Variants in ETS1 observed in about 807,000 individuals in gnomAD.
ETS1 encodes ETS proto-oncogene 1, transcription factor, also known as protein C-ets-1.
In ETS1, 15 loss-of-function variants were observed where a neutral mutation model predicts 58.6. The ratio of observed to expected loss-of-function variants is 0.26; its 90% CI spans 0.17 to 0.39. ETS1 has a LOEUF of 0.39. ETS1 is among the 10% of genes least tolerant of loss of function. ETS1 has a pLI of 1.00. For synonymous variants in ETS1, 214 were observed against 218.2 expected, an observed-to-expected ratio of 0.98 and a Z score of 0.17; for missense variants, 417 against 610.5, an observed-to-expected ratio of 0.68 and a Z score of 3.34.
At chr11:128,585,037 AAAGAAAGAAAGAAAG>A (rs1864963341) in intron 1 of ETS1, among the ~76,000 whole-genome samples, 1 of 7,172 alleles carries the variant, frequency 1.4e-4, no homozygotes, top group African/African-American at 9.9e-4. Flanking sequence ...GAAAGAAAAG[AAAGAAAGAAAGAAAG>A]AAAGAAAGAA....
chr11:128,468,044 A>G (rs752918366), intron 8 of ETS1, among the ~76,000 whole-genome samples: 4 of 152,142 alleles, frequency 2.6e-5, no homozygotes, highest in Non-Finnish European at 5.9e-5. Context: ...TTCTTACTAC[A>G]CACTGACAGG....
At chr11:128,497,332 C>T (rs1335143824) in intron 3 of ETS1, among the ~76,000 whole-genome samples, 1 of 152,206 alleles carries the variant, frequency 6.6e-6, no homozygotes, top group African/African-American at 2.4e-5. Context: ...CAGAGGGAAG[C>T]TGCCCTAAGA....
chr11:128,470,862 C>A (rs1349563316), intron 8 of ETS1, among the ~76,000 whole-genome samples: 1 of 152,124 alleles, frequency 6.6e-6, no homozygotes, highest in Non-Finnish European at 1.5e-5. Flanking sequence ...GCATTTAGGA[C>A]TTTTTTAAGT....
intron 3 of ETS1, among the ~76,000 whole-genome samples, chr11:128,528,810 T>C (rs781224966): frequency 1.3e-5 from 2 of 152,234 alleles, no homozygotes; most frequent in African/African-American, 2.4e-5. Flanking sequence ...AAGGTCTTCG[T>C]AAAGTTTTAT....
rs375110149 is a variant in ETS1 at position 128,484,902 on chromosome 11, G to A, written c.783C>T (p.Asp261=). Residue 261 remains aspartate (D), a synonymous_variant, in exon 7 of 10, where the codon GAC becomes GAT. Transcript: ENST00000392668. ...SVILRDPLQT[D]TLQNDYFAIK... ...TAGCAAAGTAGTCATTCTGCAAGGT[G>A]TCTGTCTGGAGAGGGTCTCGGAGAA... is the stretch of plus-strand genomic sequence containing the variant. 5.0e-6 allele frequency: 8 copies of A among 1,613,984 alleles called. No homozygotes were observed. The highest frequency in any genetic ancestry group is 6.8e-6 in the Non-Finnish European group (8 of 1,179,868).
rs144420530 is a variant in ETS1 at position 128,514,171 on chromosome 11, TCTC to T, written c.215-23598_215-23596del. ...ATGTACCTGATTGATTTTGTCATCT[TCTC>T]TGAGGTTTAACGCTTATTCTGATAA... On this transcript the variant is annotated intron_variant, in intron 3 of 9. Transcript: ENST00000392668. Among the ~76,000 whole-genome samples, 1,230 of 152,272 alleles carry T rather than the reference TCTC, an allele frequency of 8.1e-3. 21 individuals carry two copies. The highest frequency in any genetic ancestry group is 0.028 in the African/African-American group (1,154 of 41,534).
At chr11:128,466,575 T>A (rs979192851) in intron 8 of ETS1, among the ~76,000 whole-genome samples, 1 of 152,138 alleles carries the variant, frequency 6.6e-6, no homozygotes. Flanking sequence ...CAAGCAGTCA[T>A]AGGCTGTAGA....
chr11:128,474,476 A>C (rs1234969127), intron 8 of ETS1, among the ~76,000 whole-genome samples: 1 of 152,222 alleles, frequency 6.6e-6, no homozygotes, highest in Non-Finnish European at 1.5e-5. Context: ...AAATTCATAC[A>C]AAACTAATTA....
chr11:128,546,452 G>A (rs979427587), intron 3 of ETS1, among the ~76,000 whole-genome samples: 2 of 152,070 alleles, frequency 1.3e-5, no homozygotes, highest in Non-Finnish European at 1.5e-5. Flanking sequence ...ATTCATATAC[G>A]CTCAAGTCCC....
At chr11:128,526,747 A>G (rs758017708) in intron 3 of ETS1, 1 of 346,210 alleles carries the variant, frequency 2.9e-6, no homozygotes, top group Non-Finnish European at 5.6e-6. Flanking sequence ...TGAGTCACAG[A>G]AAAGTGACAG....
At chr11:128,521,123 T>C (rs868108492) in intron 3 of ETS1, among the ~76,000 whole-genome samples, 2 of 148,798 alleles carry the variant, frequency 1.3e-5, no homozygotes, top group South Asian at 4.3e-4. Flanking sequence ...CACCAATATT[T>C]GTGTCAAAGA....
intron 8 of ETS1, among the ~76,000 whole-genome samples, chr11:128,465,507 T>C (rs1207045777): frequency 6.6e-6 from 1 of 152,156 alleles, no homozygotes; most frequent in Admixed American, 6.5e-5. Flanking sequence ...CTCAGAGGAA[T>C]CCACTGAGAA....
intron 8 of ETS1, among the ~76,000 whole-genome samples, chr11:128,478,425 G>T (rs1182456040): frequency 7.9e-6 from 1 of 126,530 alleles, no homozygotes; most frequent in Non-Finnish European, 1.7e-5. Flanking sequence ...AAGGAAAGAA[G>T]GAAAGGAGGT....
intron 3 of ETS1, chr11:128,522,080 G>A (rs776321143): frequency 3.6e-6 from 5 of 1,381,542 alleles, no homozygotes; most frequent in Admixed American, 3.1e-5. Context: ...GTAACAGGGG[G>A]AAGGGGACGG....
rs539740210 is a variant in ETS1 at position 128,540,374 on chromosome 11, A to G, written c.214+15917T>C. ...AAAAATGTTCTAAAATTAAATTGCA[A>G]TGATAGCTGCACAATACTGTAAATA... On this transcript the variant is annotated intron_variant, in intron 3 of 9. Coordinates refer to ENST00000392668, the MANE Select transcript of ETS1 (RefSeq NM_001143820.2). Among the ~76,000 whole-genome samples the G allele has an allele frequency of 4.4e-3, 669 of 152,208 alleles. 4 individuals carry two copies. The highest frequency in any genetic ancestry group is 0.015 in the African/African-American group (613 of 41,526).
chr11:128,548,963 T>C (rs1421560834), intron 3 of ETS1, among the ~76,000 whole-genome samples: 1 of 151,962 alleles, frequency 6.6e-6, no homozygotes, highest in Non-Finnish European at 1.5e-5. Context: ...CTGGTGTTTT[T>C]CTTTTTGTGT....
Position 128,549,305 on chromosome 11 carries a change from G to A in ETS1, c.214+6986C>T, listed in dbSNP as rs1864191062. Among the ~76,000 whole-genome samples, 2 of 140,452 alleles carry A rather than the reference G, an allele frequency of 1.4e-5. No individual in the cohort carries two copies. Among genetic ancestry groups the A allele is most frequent in the East Asian group, 2.3e-4 (1 of 4,400 alleles). The allele number at this position is 140,452 out of a possible 152,430, so 92.1% of individuals were successfully genotyped here. A position where few individuals can be genotyped will look rare whatever the true frequency, so the allele number is the denominator to read the frequency against. On this transcript the variant is annotated intron_variant, in intron 3 of 9. Coordinates refer to ENST00000392668, the MANE Select transcript of ETS1 (RefSeq NM_001143820.2). This position sits in a 1 kb window ranked among gnomAD's most constrained non-coding sequence, Gnocchi z 4.3. Reference sequence around the variant, plus strand: ...GCCCCTCGCCCCTCTCCTGGGCTCCGGCTCCCACCTCATCGGCCCACCCGA... The same window carrying A: ...GCCCCTCGCCCCTCTCCTGGGCTCCAGCTCCCACCTCATCGGCCCACCCGA...
intron 8 of ETS1, among the ~76,000 whole-genome samples, chr11:128,478,747 C>T (rs1314661899): frequency 6.6e-6 from 1 of 152,202 alleles, no homozygotes; most frequent in Non-Finnish European, 1.5e-5. Context: ...ACTGCATGAG[C>T]TGGCACTCTT....
chr11:128,470,344 C>T (rs1391852132), intron 8 of ETS1, among the ~76,000 whole-genome samples: 1 of 152,078 alleles, frequency 6.6e-6, no homozygotes, highest in Non-Finnish European at 1.5e-5. Flanking sequence ...GTGGGAAAGC[C>T]CCGGGTAGGG....
Sources: allele counts gnomAD v4.1 joint callset (sites outside exome capture counted in the v4.1 genomes callset), GRCh38; gene constraint gnomAD v4.1.1; non-coding constraint Gnocchi (gnomAD v3.1); transcripts MANE v1.5; gene names NCBI Gene and HGNC (gene_info 2026-07-23, HGNC 2026-07-21).